NRG2: variants seen among roughly 807,000 people sequenced by gnomAD.
NRG2 encodes neuregulin 2.
A neutral mutation model predicts 73.9 loss-of-function variants in NRG2; 27 were observed. The observed-to-expected ratio is 0.37, with a 90% CI of 0.27 to 0.50. The LOEUF (loss-of-function observed/expected upper bound fraction) is 0.50. NRG2 is among the 20% of genes least tolerant of loss of function. NRG2 has a pLI of 0.96. For synonymous variants in NRG2, 532 were observed against 541.0 expected, an observed-to-expected ratio of 0.98 and a Z score of 0.23; for missense variants, 1,126 against 1,210.1, an observed-to-expected ratio of 0.93 and a Z score of 1.03.
At position 140,027,780 on chromosome 5, in the gene NRG2, A is replaced by C. The variant is rs115086780; in HGVS notation, c.700+14590T>G. Among the ~76,000 whole-genome samples the C allele has an allele frequency of 4.2e-3, 634 of 152,162 alleles. 7 individuals carry two copies. The highest frequency in any genetic ancestry group is 0.014 in the African/African-American group (593 of 41,524). On this transcript the variant is annotated intron_variant, in intron 1 of 9. Transcript: ENST00000361474. ...AACATATCCCGCATGGATTGGGGGG[A>C]CTACTATACTAGCAGGAACATCACC...
intron 3 of NRG2, 79 bp from the exon 4 acceptor site, chr5:139,871,920 C>G: frequency 6.5e-7 from 1 of 1,546,978 alleles, no homozygotes; most frequent in African/African-American, 1.4e-5. Context: ...TCATGCCCCA[C>G]GTCAAAACTG....
At chr5:139,922,903 A>G (rs921359333) in intron 1 of NRG2, among the ~76,000 whole-genome samples, 3 of 152,232 alleles carry the variant, frequency 2.0e-5, no homozygotes, top group African/African-American at 4.8e-5. Context: ...GGAAAAGGCA[A>G]AACTATGGAA....
intron 1 of NRG2, among the ~76,000 whole-genome samples, chr5:139,998,934 CA>C (rs1758232150): frequency 6.6e-6 from 1 of 152,164 alleles, no homozygotes. Flanking sequence ...CTGAATCCTA[CA>C]TCACAAGCCC....
intron 1 of NRG2, among the ~76,000 whole-genome samples, chr5:140,040,057 T>G (rs1255437735): frequency 6.6e-6 from 1 of 152,204 alleles, no homozygotes; most frequent in Non-Finnish European, 1.5e-5. Flanking sequence ...TTTAACCACA[T>G]AGTAGAAAAC....
chr5:139,858,934 G>A (rs1761970984), intron 5 of NRG2, among the ~76,000 whole-genome samples: 1 of 152,146 alleles, frequency 6.6e-6, no homozygotes, highest in Non-Finnish European at 1.5e-5. Flanking sequence ...TAGAGGATAG[G>A]TGGTGGGGCT....
At chr5:140,011,428 A>C (rs1020788072) in intron 1 of NRG2, among the ~76,000 whole-genome samples, 4 of 152,162 alleles carry the variant, frequency 2.6e-5, no homozygotes, top group Non-Finnish European at 5.9e-5. Flanking sequence ...GGACCTACTG[A>C]CTCACTTAGA....
chr5:139,928,469 G>A (rs1479350447), intron 1 of NRG2, among the ~76,000 whole-genome samples: 1 of 152,106 alleles, frequency 6.6e-6, no homozygotes, highest in African/African-American at 2.4e-5. Flanking sequence ...TGTTGTCCTT[G>A]TCTCATTCTT....
At chr5:140,031,942 T>C (rs2126693107) in intron 1 of NRG2, among the ~76,000 whole-genome samples, 1 of 152,110 alleles carries the variant, frequency 6.6e-6, no homozygotes, top group East Asian at 1.9e-4. Flanking sequence ...TTCAAGGGAA[T>C]GGTGTAAGAA....
chr5:139,955,904 G>A (rs376858431), intron 1 of NRG2, among the ~76,000 whole-genome samples: 4 of 152,116 alleles, frequency 2.6e-5, no homozygotes, highest in South Asian at 2.1e-4. Context: ...CCACTGAAAC[G>A]TCCTCACCCT....
At position 139,870,605 on chromosome 5, in the gene NRG2, T is replaced by C. The variant is rs1312702318; in HGVS notation, c.1112+1116A>G. On this transcript the variant is annotated intron_variant, in intron 4 of 9. Transcript: ENST00000361474. The surrounding 1 kb of genome is among the most constrained non-coding windows in gnomAD (Gnocchi z 4.4). The stretch of plus-strand genomic sequence containing the variant: ...TCAAACATCTCTCTCTGAATCCCCA[T>C]CAATGTTTTGGTGGCCTTTGCCCAG... 6.6e-6 allele frequency among the ~76,000 whole-genome samples: 1 copy of C among 152,210 alleles called. No individual in the cohort carries two copies. Among genetic ancestry groups the C allele is most frequent in the African/African-American group, 2.4e-5 (1 of 41,458 alleles).
chr5:139,870,332 G>T lies in NRG2; in HGVS notation c.1112+1389C>A, dbSNP rs1024119009. 1.5e-4 allele frequency among the ~76,000 whole-genome samples: 23 copies of T among 152,170 alleles called. No individual in the cohort carries two copies. The highest frequency in any genetic ancestry group is 1.4e-3 in the Admixed American group (21 of 15,276). On this transcript the variant is annotated intron_variant, in intron 4 of 9. Transcript: ENST00000361474. The surrounding 1 kb of genome is among the most constrained non-coding windows in gnomAD (Gnocchi z 4.4). ...GGACTCTCCTCTAAGGTTCAGGGAG[G>T]GGGAGAAGGAGGTGGCAGCAGGGGC...
chr5:139,902,393 C>T (rs1764944466), intron 1 of NRG2, among the ~76,000 whole-genome samples: 1 of 152,200 alleles, frequency 6.6e-6, no homozygotes, highest in African/African-American at 2.4e-5. Context: ...CCTCTTCCTG[C>T]TATTTGCTAA....
chr5:139,892,824 T>C (rs1333588115), intron 1 of NRG2, among the ~76,000 whole-genome samples: 1 of 152,134 alleles, frequency 6.6e-6, no homozygotes, highest in Non-Finnish European at 1.5e-5. Context: ...TCCCCACAGA[T>C]GGAGGGGTAG....
At chr5:139,997,687 G>A (rs1444376141) in intron 1 of NRG2, among the ~76,000 whole-genome samples, 2 of 152,222 alleles carry the variant, frequency 1.3e-5, no homozygotes, top group Non-Finnish European at 2.9e-5. Flanking sequence ...GGGCTCAGGA[G>A]TCAGTGAGGA....
At chr5:139,931,695 G>A (rs1455430964) in intron 1 of NRG2, among the ~76,000 whole-genome samples, 1 of 152,066 alleles carries the variant, frequency 6.6e-6, no homozygotes, top group Non-Finnish European at 1.5e-5. Flanking sequence ...ACAAGGAAAT[G>A]GAAACACATT....
intron 1 of NRG2, among the ~76,000 whole-genome samples, chr5:139,969,850 C>A (rs1755842210): frequency 6.6e-6 from 1 of 152,240 alleles, no homozygotes; most frequent in Admixed American, 6.5e-5. Flanking sequence ...CTTACTGGAA[C>A]AATTCCATGC....
chr5:139,854,029 G>A (rs1458734211), intron 6 of NRG2, among the ~76,000 whole-genome samples: 1 of 152,190 alleles, frequency 6.6e-6, no homozygotes, highest in Non-Finnish European at 1.5e-5. Context: ...TGCATTGCAT[G>A]TCTGTATCAA....
chr5:139,859,570 C>A (rs116420237), intron 5 of NRG2, among the ~76,000 whole-genome samples: 1 of 152,094 alleles, frequency 6.6e-6, no homozygotes. Flanking sequence ...AGCCAGCCTG[C>A]GGGTCTGCAC....
At chr5:139,899,208 G>T (rs1284749210) in intron 1 of NRG2, among the ~76,000 whole-genome samples, 1 of 152,340 alleles carries the variant, frequency 6.6e-6, no homozygotes. Context: ...TGCTCCAGGA[G>T]GCTGGGCCAC....
Sources: gnomAD v4.1 joint callset for allele counts (sites outside exome capture counted in the v4.1 genomes callset) on GRCh38, gnomAD v4.1.1 for gene constraint, Gnocchi (gnomAD v3.1) non-coding constraint, MANE v1.5 for transcripts, NCBI Gene and HGNC (gene_info 2026-07-23, HGNC 2026-07-21) for gene names.